CYB5A: variants seen among roughly 807,000 people sequenced by gnomAD.
The protein encoded by CYB5A is cytochrome b5 type A, also known as cytochrome b5.
In CYB5A, 10 loss-of-function variants were observed where a neutral mutation model predicts 16.2. That is an observed-to-expected ratio of 0.62 (90% CI 0.38 to 1.04). CYB5A has a LOEUF of 1.04. Ranked by LOEUF, CYB5A falls within the 50% of genes least tolerant of loss-of-function variation. The pLI, the probability that CYB5A is intolerant of heterozygous loss-of-function variation, is 0.01. For missense variants in CYB5A, 161 were observed against 165.9 expected (o/e 0.97, Z 0.16); for synonymous variants, 62 against 57.0 (o/e 1.09, Z -0.40).
intron 4 of CYB5A, among the ~76,000 whole-genome samples, chr18:74,255,440 G>A (rs1372190769): frequency 6.6e-6 from 1 of 152,328 alleles, no homozygotes; most frequent in East Asian, 1.9e-4. Flanking sequence ...GAGCCAGGGA[G>A]GTGCTGTGGG....
At chr18:74,262,496 T>A (rs1471381467) in intron 2 of CYB5A, among the ~76,000 whole-genome samples, 1 of 150,580 alleles carries the variant, frequency 6.6e-6, no homozygotes, top group Non-Finnish European at 1.5e-5. Context: ...ATTAGGCCAG[T>A]GTTTTCCAAA....
chr18:74,288,553 G>C (rs181556243), intron 1 of CYB5A, among the ~76,000 whole-genome samples: 1 of 152,198 alleles, frequency 6.6e-6, no homozygotes, highest in Admixed American at 6.5e-5. Context: ...AAAGAGGATC[G>C]GGCAAGCGGG....
At chr18:74,268,339 T>A (rs1982530116) in intron 1 of CYB5A, among the ~76,000 whole-genome samples, 1 of 152,020 alleles carries the variant, frequency 6.6e-6, no homozygotes, top group Admixed American at 6.6e-5. Context: ...CCAAGAGGTG[T>A]CTGGGGAAGG....
chr18:74,255,373 A>T (rs1981932086), intron 4 of CYB5A, among the ~76,000 whole-genome samples: 1 of 152,228 alleles, frequency 6.6e-6, no homozygotes, highest in South Asian at 2.1e-4. Flanking sequence ...GGGAAATGTA[A>T]TCACTAGAGT....
chr18:74,284,252 AAG>A (rs60738296), intron 1 of CYB5A, among the ~76,000 whole-genome samples: 17 of 147,364 alleles, frequency 1.2e-4, no homozygotes, highest in African/African-American at 2.5e-5. Context: ...AAAAAAAAAA[AAG>A]AGAGATTAAA....
At chr18:74,285,316 C>T (rs1006432964) in intron 1 of CYB5A, among the ~76,000 whole-genome samples, 3 of 152,184 alleles carry the variant, frequency 2.0e-5, no homozygotes, top group African/African-American at 4.8e-5. Flanking sequence ...CTGCTGCCTC[C>T]GGTCACTTTT....
intron 1 of CYB5A, among the ~76,000 whole-genome samples, chr18:74,286,378 C>T (rs1450228438): frequency 6.6e-6 from 1 of 152,198 alleles, no homozygotes; most frequent in Non-Finnish European, 1.5e-5. Flanking sequence ...TATTTTGAGT[C>T]ATTTTGTTTA....
chr18:74,278,772 A>G (rs1982977855), intron 1 of CYB5A, among the ~76,000 whole-genome samples: 1 of 152,252 alleles, frequency 6.6e-6, no homozygotes, highest in South Asian at 2.1e-4. Flanking sequence ...CTTCTTGAAA[A>G]AGAGAAACAA....
At chr18:74,256,559 T>C in intron 3 of CYB5A, 1 of 504,026 alleles carries the variant, frequency 2.0e-6, no homozygotes, top group East Asian at 3.0e-5. Flanking sequence ...TCTAGTGAAA[T>C]ATCAACTTTT....
intron 2 of CYB5A, among the ~76,000 whole-genome samples, chr18:74,262,178 G>A (rs1222196957): frequency 1.3e-5 from 2 of 152,208 alleles, no homozygotes; most frequent in Non-Finnish European, 2.9e-5. Context: ...TTAGGACTAG[G>A]TGCGGTGACT....
intron 4 of CYB5A, among the ~76,000 whole-genome samples, chr18:74,255,357 T>C (rs1453633117): frequency 6.6e-6 from 1 of 152,156 alleles, no homozygotes; most frequent in African/African-American, 2.4e-5. Flanking sequence ...AACTGACCCA[T>C]GTTTAGGGAA....
intron 1 of CYB5A, among the ~76,000 whole-genome samples, chr18:74,275,504 T>C (rs765030047): frequency 2.0e-5 from 3 of 152,116 alleles, no homozygotes; most frequent in Non-Finnish European, 2.9e-5. Flanking sequence ...GTGGCAAAGA[T>C]CACTTCTTTA....
intron 1 of CYB5A, among the ~76,000 whole-genome samples, chr18:74,265,195 C>T (rs1982385939): frequency 6.6e-6 from 1 of 152,154 alleles, no homozygotes; most frequent in Non-Finnish European, 1.5e-5. Context: ...ATACCTAGTG[C>T]TAAGGACATC....
intron 1 of CYB5A, among the ~76,000 whole-genome samples, chr18:74,287,697 A>T (rs1364492035): frequency 6.6e-6 from 1 of 152,208 alleles, no homozygotes; most frequent in Non-Finnish European, 1.5e-5. Context: ...ACAAAAAGAC[A>T]TTCTGCTTTA....
intron 1 of CYB5A, among the ~76,000 whole-genome samples, chr18:74,282,373 G>A (rs1983146152): frequency 6.6e-6 from 1 of 152,070 alleles, no homozygotes; most frequent in South Asian, 2.1e-4. Flanking sequence ...CACAGAGTAA[G>A]AAGGGATCAC....
chr18:74,265,194 G>A (rs1982385817), intron 1 of CYB5A, among the ~76,000 whole-genome samples: 1 of 152,116 alleles, frequency 6.6e-6, no homozygotes, highest in South Asian at 2.1e-4. Flanking sequence ...CATACCTAGT[G>A]CTAAGGACAT....
intron 1 of CYB5A, among the ~76,000 whole-genome samples, chr18:74,272,099 TA>T (rs1444553999): frequency 5.9e-5 from 9 of 152,262 alleles, no homozygotes; most frequent in African/African-American, 1.2e-4. Context: ...AACTCTTTGC[TA>T]AGCCCTATCC....
At chr18:74,273,047 T>C (rs1350302516) in intron 1 of CYB5A, among the ~76,000 whole-genome samples, 1 of 152,234 alleles carries the variant, frequency 6.6e-6, no homozygotes, top group African/African-American at 2.4e-5. Context: ...ACAGTTGTAA[T>C]TGTACTTGTA....
At chr18:74,276,453 TCA>T (rs1276943993) in intron 1 of CYB5A, among the ~76,000 whole-genome samples, 3 of 151,694 alleles carry the variant, frequency 2.0e-5, no homozygotes, top group Non-Finnish European at 2.9e-5. Flanking sequence ...GGAGAAAACT[TCA>T]CAGACTTCTA....
Sources: allele counts gnomAD v4.1 joint callset (sites outside exome capture counted in the v4.1 genomes callset), GRCh38; gene constraint gnomAD v4.1.1; transcripts MANE v1.5; gene names NCBI Gene and HGNC (gene_info 2026-07-23, HGNC 2026-07-21).